Variants in EPHA6 observed in about 807,000 individuals in gnomAD.
EPHA6 encodes the protein ephrin type-A receptor 6.
EPHA6 carries 50 observed loss-of-function variants against 112.0 expected under a neutral mutation model. The observed-to-expected ratio is 0.45, with a 90% CI of 0.36 to 0.56. The LOEUF (loss-of-function observed/expected upper bound fraction) is 0.56. Among genes scored for constraint, EPHA6 ranks in the 20% least tolerant of loss-of-function variants. The pLI is 0.00. For synonymous variants in EPHA6, 529 were observed against 490.7 expected (o/e 1.08, Z -1.03); for missense variants, 1,280 against 1,417.4 (o/e 0.90, Z 1.56).
rs551059924 is a variant in EPHA6, at chr3:97,222,527, C to T, written c.1115-3737C>T. Among the ~76,000 whole-genome samples the T allele has an allele frequency of 2.6e-5, 4 of 152,242 alleles. No homozygotes were observed. The South Asian group carries it at 6.2e-4, about 24-fold the overall frequency. On this transcript the variant is annotated intron_variant, in intron 3 of 17. Coordinates refer to ENST00000389672, the MANE Select transcript of EPHA6 (RefSeq NM_001080448.3). ...CATTAATAATAATTTCAAATGGAAACTTGTTAATAACTAGGTCATCTTGCA... is the reference window on the plus strand; with the variant it reads ...CATTAATAATAATTTCAAATGGAAATTTGTTAATAACTAGGTCATCTTGCA...
chr3:97,380,779 T>C (rs887753875), intron 5 of EPHA6, among the ~76,000 whole-genome samples: 1 of 152,178 alleles, frequency 6.6e-6, no homozygotes, highest in Non-Finnish European at 1.5e-5. Flanking sequence ...CTTAATAATA[T>C]TGTAATAGTG....
chr3:97,743,971 C>T (rs2035610728), intron 16 of EPHA6, among the ~76,000 whole-genome samples: 1 of 151,918 alleles, frequency 6.6e-6, no homozygotes, highest in Admixed American at 6.6e-5. Flanking sequence ...ATTGTGAACT[C>T]AAAGGGCTCA....
intron 11 of EPHA6, among the ~76,000 whole-genome samples, chr3:97,537,052 C>A (rs1353771352): frequency 1.3e-5 from 2 of 151,854 alleles, no homozygotes; most frequent in African/African-American, 4.8e-5. Flanking sequence ...ATATTGATGA[C>A]CCAATAAGAA....
At chr3:97,591,089 T>G (rs1462843294) in intron 11 of EPHA6, among the ~76,000 whole-genome samples, 1 of 152,228 alleles carries the variant, frequency 6.6e-6, no homozygotes, top group African/African-American at 2.4e-5. Context: ...CAGCTCTTCA[T>G]GACAGAACCC....
chr3:97,577,472 T>A (rs2093397379), intron 11 of EPHA6, among the ~76,000 whole-genome samples: 1 of 152,072 alleles, frequency 6.6e-6, no homozygotes, highest in Non-Finnish European at 1.5e-5. Context: ...TCATCATACA[T>A]CTAAGCATCA....
intron 12 of EPHA6, among the ~76,000 whole-genome samples, chr3:97,606,773 T>G (rs993526091): frequency 2.0e-5 from 3 of 151,222 alleles, no homozygotes; most frequent in African/African-American, 7.3e-5. Flanking sequence ...AATATTTCAT[T>G]TATTATCAAA....
chr3:97,506,490 T>C (rs1354209218), intron 10 of EPHA6, among the ~76,000 whole-genome samples: 1 of 152,186 alleles, frequency 6.6e-6, no homozygotes. Context: ...AACAGATGGC[T>C]GAGATTGGTG....
At chr3:97,048,583 G>T (rs2045587162) in intron 3 of EPHA6, among the ~76,000 whole-genome samples, 1 of 152,122 alleles carries the variant, frequency 6.6e-6, no homozygotes, top group Non-Finnish European at 1.5e-5. Flanking sequence ...TAACAAAATA[G>T]AATTTCTTTC....
At chr3:97,593,576 A>G (rs1262350829) in intron 12 of EPHA6, among the ~76,000 whole-genome samples, 4 of 152,208 alleles carry the variant, frequency 2.6e-5, no homozygotes, top group Admixed American at 1.3e-4. Flanking sequence ...ACATCAATGT[A>G]TTCAGGAGAG....
chr3:97,377,227 A>G (rs930652800), intron 5 of EPHA6, among the ~76,000 whole-genome samples: 4 of 152,162 alleles, frequency 2.6e-5, no homozygotes, highest in African/African-American at 9.7e-5. Context: ...TTCTCATGGT[A>G]GTGAATAAGT....
chr3:97,753,300 G>T lies in EPHA6; in HGVS notation c.*4599G>T. On this transcript the variant is annotated 3_prime_UTR_variant, in exon 18 of 18. Coordinates refer to ENST00000389672, the MANE Select transcript of EPHA6 (RefSeq NM_001080448.3). ...AGCTTTATTTGCTATGTTTGCTATG[G>T]TTGCCATGTCACCGGGGGATAGCAC... Among the ~76,000 whole-genome samples, 1 of 152,050 alleles carries T rather than the reference G, an allele frequency of 6.6e-6. No individual in the cohort carries two copies.
At chr3:97,199,609 C>T (rs1395462070) in intron 3 of EPHA6, among the ~76,000 whole-genome samples, 1 of 152,140 alleles carries the variant, frequency 6.6e-6, no homozygotes, top group Non-Finnish European at 1.5e-5. Context: ...GTCCTGGCTT[C>T]GCCAACTTGA....
At chr3:97,283,945 A>G (rs1370816140) in intron 5 of EPHA6, among the ~76,000 whole-genome samples, 1 of 152,128 alleles carries the variant, frequency 6.6e-6, no homozygotes, top group Non-Finnish European at 1.5e-5. Flanking sequence ...AATCCCAACT[A>G]TATCTTTACC....
intron 3 of EPHA6, among the ~76,000 whole-genome samples, chr3:97,009,618 G>A (rs1387944308): frequency 6.6e-6 from 1 of 152,252 alleles, no homozygotes; most frequent in East Asian, 1.9e-4. Context: ...AGCTGCGCTG[G>A]TGCTGGTTGC....
rs1576320552 is a variant in EPHA6, at chr3:97,012,729, GATTA to G, written c.1114+24737_1114+24740del. 2.0e-5 allele frequency among the ~76,000 whole-genome samples: 3 copies of G among 150,826 alleles called. No homozygotes were observed. In the East Asian group the frequency reaches 5.9e-4, roughly 30 times the overall value. On this transcript the variant is annotated intron_variant, in intron 3 of 17. Transcript: ENST00000389672. ...CCCCCCTCGGCCTCTCAAGTACTGG[GATTA>G]CAGGTATGAGCCACCACACTGGACT...
At chr3:96,977,639 A>G (rs751624425) in intron 2 of EPHA6, among the ~76,000 whole-genome samples, 22 of 152,150 alleles carry the variant, frequency 1.4e-4, no homozygotes, top group Non-Finnish European at 1.8e-4. Context: ...ACTTGAAATT[A>G]TAACTAAAAG....
At chr3:97,187,088 C>T (rs2077159999) in intron 3 of EPHA6, among the ~76,000 whole-genome samples, 1 of 152,094 alleles carries the variant, frequency 6.6e-6, no homozygotes, top group African/African-American at 2.4e-5. Flanking sequence ...CCGAAATCTC[C>T]GTGGTGGCTT....
At chr3:97,487,843 C>G (rs2091734639) in intron 10 of EPHA6, among the ~76,000 whole-genome samples, 1 of 152,110 alleles carries the variant, frequency 6.6e-6, no homozygotes, top group African/African-American at 2.4e-5. Context: ...CTTTTTTGCA[C>G]TATAAAATGA....
intron 2 of EPHA6, among the ~76,000 whole-genome samples, chr3:96,877,474 G>A (rs2037035234): frequency 6.6e-6 from 1 of 151,954 alleles, no homozygotes; most frequent in Non-Finnish European, 1.5e-5. Flanking sequence ...TTGATGATCT[G>A]AATCACATCT....
Sources: allele counts gnomAD v4.1 joint callset (sites outside exome capture counted in the v4.1 genomes callset), GRCh38; gene constraint gnomAD v4.1.1; transcripts MANE v1.5; gene names NCBI Gene and HGNC (gene_info 2026-07-23, HGNC 2026-07-21).